Variants in SLC49A4 observed in about 807,000 individuals in gnomAD.
SLC49A4 encodes solute carrier family 49 member 4.
A neutral mutation model predicts 50.6 loss-of-function variants in SLC49A4; 36 were observed. That is an observed-to-expected ratio of 0.71 (90% CI 0.55 to 0.94). SLC49A4 has a LOEUF of 0.94. Ranked by LOEUF, SLC49A4 falls within the 40% of genes least tolerant of loss-of-function variation. The probability of loss-of-function intolerance (pLI) is 0.00; values close to 1 mark genes in which losing one functional copy is unlikely to be tolerated. For missense variants in SLC49A4, 503 were observed against 605.7 expected, an observed-to-expected ratio of 0.83 and a Z score of 1.78; for synonymous variants, 248 against 241.2, an observed-to-expected ratio of 1.03 and a Z score of -0.26.
At chr3:122,801,238 A>G (rs138384856) in intron 1 of SLC49A4, among the ~76,000 whole-genome samples, 39 of 152,354 alleles carry the variant, frequency 2.6e-4, no homozygotes, top group African/African-American at 8.7e-4. Flanking sequence ...TATTTAATCA[A>G]TAATTTGTTC....
chr3:122,826,729 G>T, intron 2 of SLC49A4, 71 bp from the exon 3 acceptor site: 1 of 1,511,394 alleles, frequency 6.6e-7, no homozygotes, highest in Non-Finnish European at 9.0e-7. Flanking sequence ...ACTGCTGTTT[G>T]GCTCATTTCT....
intron 4 of SLC49A4, among the ~76,000 whole-genome samples, chr3:122,835,354 C>A (rs1474927743): frequency 6.6e-6 from 1 of 152,118 alleles, no homozygotes; most frequent in Non-Finnish European, 1.5e-5. Context: ...CCTTGATGAT[C>A]ATAGATACAA....
chr3:122,869,474 C>G (rs534628132), intron 7 of SLC49A4, among the ~76,000 whole-genome samples: 1 of 152,180 alleles, frequency 6.6e-6, no homozygotes, highest in South Asian at 2.1e-4. Context: ...ACCAACACCG[C>G]CCCCATTGGG....
intron 2 of SLC49A4, among the ~76,000 whole-genome samples, chr3:122,821,694 T>C (rs1207300124): frequency 6.6e-6 from 1 of 152,158 alleles, no homozygotes; most frequent in East Asian, 1.9e-4. Context: ...CTCCTCACAC[T>C]CCTAACTTCT....
At position 122,795,303 on chromosome 3, in the gene SLC49A4, GC is replaced by G; in HGVS notation, c.114del (p.Ala39ArgfsTer80). ...RSREAAAAAL[P>X]AAVPGPGRVY... is the part of the protein sequence containing the mutation. ...GCCGGGAGGCGGCGGCGGCGGCGCTGCCCGCGGCGGTCCCGGGTCCCGGGCG... is the reference window on the plus strand; with the variant it reads ...GCCGGGAGGCGGCGGCGGCGGCGCTGCCGCGGCGGTCCCGGGTCCCGGGCG... On this transcript the variant is annotated frameshift_variant, in exon 1 of 9. Transcript: ENST00000261038. LOFTEE classifies it high-confidence loss of function. 1 of 1,457,364 alleles carries G rather than the reference GC, an allele frequency of 6.9e-7. No homozygotes were observed. The allele number at this position is 1,457,364 out of a possible 1,614,324, so 90.3% of individuals were successfully genotyped here. A position where few individuals can be genotyped will look rare whatever the true frequency, so the allele number is the denominator to read the frequency against.
intron 2 of SLC49A4, among the ~76,000 whole-genome samples, chr3:122,818,415 G>A (rs1005953207): frequency 2.0e-5 from 3 of 152,034 alleles, no homozygotes; most frequent in Non-Finnish European, 4.4e-5. Context: ...TGTCTGAATT[G>A]GGGTATTCCA....
At chr3:122,815,238 T>G (rs1413220937) in intron 2 of SLC49A4, among the ~76,000 whole-genome samples, 2 of 152,072 alleles carry the variant, frequency 1.3e-5, no homozygotes, top group Non-Finnish European at 2.9e-5. Flanking sequence ...TACAGACACC[T>G]GCCACCATGC....
chr3:122,872,159 G>T (rs142693387), intron 7 of SLC49A4, among the ~76,000 whole-genome samples: 170 of 152,234 alleles, frequency 1.1e-3, no homozygotes, highest in African/African-American at 3.9e-3. Context: ...AAATTGTTTT[G>T]TGCTCTGGAA....
In SLC49A4 at chr3:122,880,249, G is replaced by C. The variant is rs1236396682; in HGVS notation, c.*871G>C. The C allele has an allele frequency of 6.6e-6, 1 of 152,064 alleles. No homozygotes were observed. The highest frequency in any genetic ancestry group is 1.5e-5 in the Non-Finnish European group (1 of 67,990). The allele number at this position is 152,064 out of a possible 1,614,324, so 9.4% of individuals were successfully genotyped here. A position where few individuals can be genotyped will look rare whatever the true frequency, so the allele number is the denominator to read the frequency against. Reference sequence around the variant, plus strand: ...TCCAGAGCCAACAATTATTTACCAGGGTTAGATTTTATTCAGTGACCCTTG... The same window carrying C: ...TCCAGAGCCAACAATTATTTACCAGCGTTAGATTTTATTCAGTGACCCTTG... On this transcript the variant is annotated 3_prime_UTR_variant, in exon 9 of 9. Transcript: ENST00000261038.
chr3:122,806,033 A>G (rs1405171571), intron 1 of SLC49A4, among the ~76,000 whole-genome samples: 30 of 152,254 alleles, frequency 2.0e-4, no homozygotes, highest in Admixed American at 1.9e-3. Context: ...ACCACTTCCT[A>G]TGACGCTTTA....
At chr3:122,876,706 C>T (rs942719405) in intron 8 of SLC49A4, among the ~76,000 whole-genome samples, 1 of 152,112 alleles carries the variant, frequency 6.6e-6, no homozygotes, top group Non-Finnish European at 1.5e-5. Flanking sequence ...TGGTAGAAAC[C>T]GAAAGCGTGA....
chr3:122,820,357 A>G (rs910441567), intron 2 of SLC49A4, among the ~76,000 whole-genome samples: 1 of 152,210 alleles, frequency 6.6e-6, no homozygotes, highest in African/African-American at 2.4e-5. Context: ...AAAATTATAA[A>G]TGTGATTTTA....
Position 122,851,681 on chromosome 3 carries a change from T to A in SLC49A4, c.943-4626T>A, listed in dbSNP as rs1197093611. The stretch of plus-strand genomic sequence containing the variant: ...AATGTCGTCTTGTTAGCTTGATGTC[T>A]CTCATTAATTTCTGAAAATTTCTAG... On this transcript the variant is annotated intron_variant, in intron 5 of 8. Coordinates refer to ENST00000261038, the MANE Select transcript of SLC49A4 (RefSeq NM_032839.3). 4.6e-5 allele frequency among the ~76,000 whole-genome samples: 7 copies of A among 151,806 alleles called. No homozygotes were observed. The South Asian group carries it at 1.0e-3, about 23-fold the overall frequency.
At chr3:122,873,614 T>C (rs774250229) in intron 8 of SLC49A4, among the ~76,000 whole-genome samples, 5 of 152,216 alleles carry the variant, frequency 3.3e-5, no homozygotes, top group Non-Finnish European at 7.3e-5. Flanking sequence ...GTACATTAGA[T>C]TGTTTCTGTC....
chr3:122,841,053 T>C (rs897334173), intron 4 of SLC49A4, among the ~76,000 whole-genome samples: 1 of 152,200 alleles, frequency 6.6e-6, no homozygotes, highest in Non-Finnish European at 1.5e-5. Context: ...AACAGTTTTA[T>C]AGCTGGCCAA....
chr3:122,860,044 A>G, intron 6 of SLC49A4, 31 bp from the exon 7 acceptor site: 2 of 1,573,558 alleles, frequency 1.3e-6, no homozygotes, highest in East Asian at 2.3e-5. Flanking sequence ...TTTAAATCCC[A>G]CTAGAATTAA....
Position 122,860,221 on chromosome 3 carries a change from T to C in SLC49A4, c.1138+19T>C, listed in dbSNP as rs186022985. The C allele has an allele frequency of 3.8e-6, 6 of 1,565,308 alleles. No homozygotes were observed. In the African/African-American group the frequency reaches 6.9e-5, roughly 18 times the overall value. On this transcript the variant is annotated intron_variant, in intron 7 of 8. Coordinates refer to ENST00000261038, the MANE Select transcript of SLC49A4 (RefSeq NM_032839.3). Reference sequence around the variant, plus strand: ...ACCACAGGTGAGCATAGGCTATTTTTGAACTTTTAATAAATATTTTCATTC... The same window carrying C: ...ACCACAGGTGAGCATAGGCTATTTTCGAACTTTTAATAAATATTTTCATTC...
In SLC49A4 at chr3:122,795,281, G is replaced by A. The variant is rs746543919; in HGVS notation, c.89G>A (p.Arg30Gln). 1.4e-6 allele frequency: 2 copies of A among 1,414,354 alleles called. No homozygotes were observed. The highest frequency in any genetic ancestry group is 1.5e-5 in the South Asian group (1 of 64,842). The allele number at this position is 1,414,354 out of a possible 1,614,324, so 87.6% of individuals were successfully genotyped here. The change falls in exon 1 of 9, where the codon CGG (arginine) becomes CAG (glutamine). Residue 30 changes from arginine (R) to glutamine (Q), a missense_variant. By Grantham distance (43) the Arg-to-Gln change is conservative. Transcript: ENST00000261038. ...GGGCTGGGGGCCTCCTGGAGAAGCC[G>A]GGAGGCGGCGGCGGCGGCGCTGCCC... is the stretch of plus-strand genomic sequence containing the variant. ...GPGLGASWRS[R>Q]EAAAAALPAA...
At chr3:122,861,016 T>C (rs1296735198) in intron 7 of SLC49A4, among the ~76,000 whole-genome samples, 1 of 152,218 alleles carries the variant, frequency 6.6e-6, no homozygotes, top group Non-Finnish European at 1.5e-5. Context: ...CAAGTCCTTT[T>C]CACGTTGCAT....
Sources: allele counts gnomAD v4.1 joint callset (sites outside exome capture counted in the v4.1 genomes callset), GRCh38; gene constraint gnomAD v4.1.1; transcripts MANE v1.5; gene names NCBI Gene and HGNC (gene_info 2026-07-23, HGNC 2026-07-21).